The following MTFR1 variants were observed in gnomAD, a reference collection of about 807,000 sequenced individuals.
MTFR1 encodes chondrocyte protein with a poly-proline region.
MTFR1 carries 28 observed loss-of-function variants against 38.8 expected under a neutral mutation model. The ratio of observed to expected loss-of-function variants is 0.72; its 90% confidence interval spans 0.53 to 0.99. The LOEUF (loss-of-function observed/expected upper bound fraction) is 0.99, where lower values mean the gene tolerates loss of function less well. Among genes scored for constraint, MTFR1 ranks in the 50% least tolerant of loss-of-function variants. The probability of loss-of-function intolerance (pLI) is 0.00; values close to 1 mark genes in which losing one functional copy is unlikely to be tolerated. For missense variants in MTFR1, 358 were observed against 395.5 expected (o/e 0.91, Z 0.81); for synonymous variants, 145 against 137.0 (o/e 1.06, Z -0.41).
chr8:65,743,001 C>A (rs1427279103), intron 3 of MTFR1, among the ~76,000 whole-genome samples: 1 of 152,194 alleles, frequency 6.6e-6, no homozygotes, highest in Non-Finnish European at 1.5e-5. Context: ...GAGCTCACGC[C>A]GCTTTCATCA....
At position 65,765,333 on chromosome 8, in the gene MTFR1, C is replaced by A. The variant is rs1473952239; in HGVS notation, c.*49-5614C>A. On this transcript the variant is annotated intron_variant, in intron 3 of 3. Transcript: ENST00000521247. ...TGAAACCCCGTCTCTACTAAAAATA[C>A]AAAAAATTAGCCGGGCGTAGTGGCG... Among the ~76,000 whole-genome samples, 9 of 150,034 alleles carry A rather than the reference C, an allele frequency of 6.0e-5. No individual in the cohort carries two copies. The East Asian group carries it at 1.8e-3, about 29-fold the overall frequency.
At chr8:65,739,947 G>A (rs1807335100) in intron 3 of MTFR1, among the ~76,000 whole-genome samples, 1 of 152,090 alleles carries the variant, frequency 6.6e-6, no homozygotes, top group Middle Eastern at 3.2e-3. Flanking sequence ...GGCTGCACCT[G>A]ACCTCCCTCC....
intron 1 of MTFR1, among the ~76,000 whole-genome samples, chr8:65,665,942 G>T (rs1187061897): frequency 2.0e-5 from 3 of 152,122 alleles, no homozygotes; most frequent in Non-Finnish European, 4.4e-5. Context: ...ACAACTCTGT[G>T]AGTACTGTTC....
intron 3 of MTFR1, among the ~76,000 whole-genome samples, chr8:65,693,401 CA>C (rs145531132): frequency 2.3e-3 from 307 of 131,150 alleles, no homozygotes; most frequent in South Asian, 4.3e-3. Flanking sequence ...GACTTTGTCT[CA>C]AAAAAAAAAA....
chr8:65,676,149 C>G (rs1012561156), intron 2 of MTFR1, among the ~76,000 whole-genome samples: 2 of 152,130 alleles, frequency 1.3e-5, no homozygotes, highest in Non-Finnish European at 2.9e-5. Flanking sequence ...ACTCCTTCCC[C>G]CTTCCCAACA....
At chr8:65,677,316 C>T (rs576989467) in intron 2 of MTFR1, among the ~76,000 whole-genome samples, 25 of 151,352 alleles carry the variant, frequency 1.7e-4, no homozygotes, top group African/African-American at 4.8e-4. Context: ...ATGATCCACC[C>T]GCCTCGGCCT....
chr8:65,776,250 T>A (rs2128922692), downstream of MTFR1, among the ~76,000 whole-genome samples: 1 of 152,328 alleles, frequency 6.6e-6, no homozygotes, highest in Non-Finnish European at 1.5e-5. Flanking sequence ...ACCACACTTG[T>A]CACAAATCAA....
rs1275607079 is a variant in MTFR1, at chr8:65,695,333, A to AGGAT, written c.281+1577_281+1580dup. On this transcript the variant is annotated intron_variant, in intron 4 of 7. Coordinates refer to ENST00000262146, the MANE Select transcript of MTFR1 (RefSeq NM_014637.4). Reference sequence around the variant, plus strand: ...CAGGTTTCCATGTAGGATAATTATAAGGATGGTGAAACAATTTTTTTTTTT... The same window carrying AGGAT: ...CAGGTTTCCATGTAGGATAATTATAAGGATGGATGGTGAAACAATTTTTTTTTTT... 5.9e-5 allele frequency among the ~76,000 whole-genome samples: 9 copies of AGGAT among 151,860 alleles called. No individual in the cohort carries two copies. In the East Asian group the frequency reaches 1.7e-3, roughly 29 times the overall value.
intron 1 of MTFR1, among the ~76,000 whole-genome samples, chr8:65,662,198 C>T (rs1037249422): frequency 6.6e-6 from 1 of 151,938 alleles, no homozygotes; most frequent in African/African-American, 2.4e-5. Flanking sequence ...AACCTCCCTG[C>T]CTGATTCTCC....
In MTFR1 at chr8:65,763,565, C is replaced by CAA. The variant is rs10706103; in HGVS notation, c.*49-7372_*49-7371dup. ...GGGCAACAAGAGTGAAACTCCGTCT[C>CAA]AAAAAAAAAAAGATTGATTACTCTT... On this transcript the variant is annotated intron_variant, in intron 3 of 3. Coordinates refer to the MTFR1 transcript ENST00000521247. Among the ~76,000 whole-genome samples, 90 of 147,272 alleles carry CAA rather than the reference C, an allele frequency of 6.1e-4. 1 individual carries two copies. Among genetic ancestry groups the CAA allele is most frequent in the Admixed American group, 3.4e-3 (50 of 14,768 alleles).
At chr8:65,731,334 C>A (rs554379620) in intron 3 of MTFR1, among the ~76,000 whole-genome samples, 13 of 152,144 alleles carry the variant, frequency 8.5e-5, no homozygotes, top group Admixed American at 2.6e-4. Context: ...CAGGGCCAGG[C>A]TCTTTTGTCA....
At chr8:65,669,738 A>T in intron 1 of MTFR1, 135 bp from the exon 2 acceptor site, 1 of 496,050 alleles carries the variant, frequency 2.0e-6, no homozygotes, top group Non-Finnish European at 3.5e-6. Flanking sequence ...TTTAGTAGAG[A>T]TGGGGTTTCT....
intron 1 of MTFR1, among the ~76,000 whole-genome samples, chr8:65,668,873 C>A (rs1313624317): frequency 2.0e-5 from 3 of 152,110 alleles, no homozygotes; most frequent in Non-Finnish European, 4.4e-5. Flanking sequence ...GTGCAAACTC[C>A]TTTATCTTGT....
chr8:65,671,552 A>G (rs951809924), intron 2 of MTFR1, among the ~76,000 whole-genome samples: 6 of 151,672 alleles, frequency 4.0e-5, no homozygotes, highest in Non-Finnish European at 7.4e-5. Context: ...AAAAAAAAAA[A>G]AAAAAAAAGA....
intron 1 of MTFR1, among the ~76,000 whole-genome samples, chr8:65,662,020 CCTCTCTCTCTCCCTCTCTCTCCCT>C (rs1157473386): frequency 2.2e-5 from 3 of 136,988 alleles, no homozygotes; most frequent in South Asian, 2.6e-4. Context: ...TCTCTCTCTC[CCTCTCTCTCTCCCTCTCTCTCCCT>C]CTCTCTCTCC....
At chr8:65,678,033 A>T (rs572821702) in intron 2 of MTFR1, among the ~76,000 whole-genome samples, 22 of 150,908 alleles carry the variant, frequency 1.5e-4, no homozygotes, top group African/African-American at 4.9e-4. Flanking sequence ...AAAAAAAAAG[A>T]AATTGGATTA....
intron 3 of MTFR1, chr8:65,747,543 C>T: frequency 1.5e-5 from 9 of 607,510 alleles, no homozygotes; most frequent in Non-Finnish European, 2.1e-5. Context: ...GGCTCAACTG[C>T]TTTTCATAGA....
At chr8:65,676,972 A>G (rs1804725593) in intron 2 of MTFR1, among the ~76,000 whole-genome samples, 1 of 151,500 alleles carries the variant, frequency 6.6e-6, no homozygotes, top group South Asian at 2.1e-4. Flanking sequence ...ACAGACATGC[A>G]TGTGCGCGCA....
intron 1 of MTFR1, among the ~76,000 whole-genome samples, chr8:65,650,162 A>G (rs916732158): frequency 2.0e-5 from 3 of 150,074 alleles, no homozygotes; most frequent in African/African-American, 7.4e-5. Flanking sequence ...TTTAGTAGAG[A>G]CAGGGCTATG....
Sources: allele counts gnomAD v4.1 joint callset (sites outside exome capture counted in the v4.1 genomes callset), GRCh38; gene constraint gnomAD v4.1.1; transcripts MANE v1.5; gene names NCBI Gene and HGNC (gene_info 2026-07-23, HGNC 2026-07-21).